NRG1: variants seen among roughly 807,000 people sequenced by gnomAD.
NRG1 encodes neuregulin 1, also known as pro-neuregulin-1, membrane-bound isoform.
A neutral mutation model predicts 63.8 loss-of-function variants in NRG1; 18 were observed. That is an observed-to-expected ratio of 0.28 (90% CI 0.19 to 0.42). The LOEUF (loss-of-function observed/expected upper bound fraction) is 0.42, where lower values mean the gene tolerates loss of function less well. NRG1 is among the 10% of genes least tolerant of loss of function. NRG1 has a pLI of 1.00. For synonymous variants in NRG1, 302 were observed against 301.3 expected (o/e 1.00, Z -0.02); for missense variants, 762 against 814.7 (o/e 0.94, Z 0.79).
rs1361292992 is a variant in NRG1, at chr8:31,640,250, C to T, written c.37+819C>T. The T allele has an allele frequency of 2.6e-6, 3 of 1,145,734 alleles. No individual in the cohort carries two copies. Among genetic ancestry groups the T allele is most frequent in the Non-Finnish European group, 3.2e-6 (3 of 932,956 alleles). 71.0% of individuals were successfully genotyped at this position (1,145,734 alleles called of 1,614,324 possible). ...GTGGTGATCGAGGGAAAGGTGCACC[C>T]GCAGCGGCGGCAGCAGGGGGCACTC... On this transcript the variant is annotated intron_variant, in intron 1 of 10. Transcript: ENST00000519301. The surrounding 1 kb of genome is among the most constrained non-coding windows in gnomAD (Gnocchi z 6.3).
chr8:32,139,974 A>G (rs1020648744), intron 1 of NRG1, among the ~76,000 whole-genome samples: 1 of 152,134 alleles, frequency 6.6e-6, no homozygotes, highest in African/African-American at 2.4e-5. Flanking sequence ...AGACTTGAGG[A>G]TTCAGGAGCT....
intron 1 of NRG1, among the ~76,000 whole-genome samples, chr8:32,255,800 T>C (rs1252379368): frequency 6.6e-6 from 1 of 152,186 alleles, no homozygotes; most frequent in African/African-American, 2.4e-5. Flanking sequence ...TCCTGAAGAG[T>C]GTTTTCCAAC....
chr8:32,227,851 G>A, intron 1 of NRG1, among the ~76,000 whole-genome samples: 1 of 152,178 alleles, frequency 6.6e-6, no homozygotes, highest in East Asian at 1.9e-4. Flanking sequence ...ATGAGTGGCA[G>A]TGAACCAGAA....
At chr8:31,870,644 C>T (rs1390725480) in intron 1 of NRG1, among the ~76,000 whole-genome samples, 1 of 152,048 alleles carries the variant, frequency 6.6e-6, no homozygotes, top group Admixed American at 6.6e-5. Context: ...ATAGTTTTGG[C>T]CAAATTGTTG....
At chr8:32,382,823 C>A (rs1810516330) in intron 1 of NRG1, among the ~76,000 whole-genome samples, 1 of 151,998 alleles carries the variant, frequency 6.6e-6, no homozygotes, top group Non-Finnish European at 1.5e-5. Flanking sequence ...CTGGTCCAGG[C>A]CCTGGAAATT....
intron 1 of NRG1, among the ~76,000 whole-genome samples, chr8:32,518,060 A>C (rs34413759): frequency 6.6e-6 from 1 of 152,054 alleles, no homozygotes; most frequent in Admixed American, 6.6e-5. Context: ...AAAAAATAGA[A>C]CCACCACCAA....
intron 1 of NRG1, among the ~76,000 whole-genome samples, chr8:31,852,088 T>C (rs1827295306): frequency 6.6e-6 from 1 of 151,728 alleles, no homozygotes; most frequent in African/African-American, 2.4e-5. Flanking sequence ...TGTGTCTTTA[T>C]AGCAGCATGA....
chr8:32,423,838 A>G (rs574020088), intron 1 of NRG1, among the ~76,000 whole-genome samples: 4 of 152,140 alleles, frequency 2.6e-5, no homozygotes, highest in Non-Finnish European at 5.9e-5. Flanking sequence ...TTTCAAGATT[A>G]TCTACTCTAA....
intron 1 of NRG1, among the ~76,000 whole-genome samples, chr8:32,592,995 TAAAG>T (rs1395403415): frequency 6.6e-6 from 1 of 152,126 alleles, no homozygotes; most frequent in African/African-American, 2.4e-5. Context: ...TACAGTAACA[TAAAG>T]AAAATATTAC....
chr8:31,654,139 A>G (rs536592714), intron 1 of NRG1, among the ~76,000 whole-genome samples: 7 of 152,224 alleles, frequency 4.6e-5, no homozygotes, highest in Non-Finnish European at 1.0e-4. Flanking sequence ...AATAACTGTC[A>G]TTATGGACTC....
Position 31,845,142 on chromosome 8 carries a change from T to TAAATAAAA in NRG1, c.37+205714_37+205715insTAAAAAAA, listed in dbSNP as rs1554550182. 6.6e-5 allele frequency among the ~76,000 whole-genome samples: 10 copies of TAAATAAAA among 151,630 alleles called. No individual in the cohort carries two copies. The East Asian group carries it at 1.2e-3, about 18-fold the overall frequency. On this transcript the variant is annotated intron_variant, in intron 1 of 10. Transcript: ENST00000519301. ...ATAAATAAATAAATAAATAAATAAA[T>TAAATAAAA]AAAACAGCAAAGCTTCTATGAATTC... is the stretch of plus-strand genomic sequence containing the variant.
intron 1 of NRG1, among the ~76,000 whole-genome samples, chr8:32,086,892 A>C (rs1034477578): frequency 6.6e-6 from 1 of 152,206 alleles, no homozygotes; most frequent in African/African-American, 2.4e-5. Context: ...TATAGTAAGA[A>C]CATTTAAGAT....
chr8:31,936,750 A>T (rs1323215201), intron 1 of NRG1, among the ~76,000 whole-genome samples: 1 of 152,216 alleles, frequency 6.6e-6, no homozygotes, highest in Admixed American at 6.5e-5. Context: ...ACAGAGTACA[A>T]CAAGATACTC....
At chr8:31,956,328 C>G (rs1804401140) in intron 1 of NRG1, among the ~76,000 whole-genome samples, 1 of 151,990 alleles carries the variant, frequency 6.6e-6, no homozygotes, top group Admixed American at 6.5e-5. Context: ...GAGAAGCTAA[C>G]TTTCATTAAG....
chr8:32,041,704 C>T (rs1164524143), intron 1 of NRG1, among the ~76,000 whole-genome samples: 1 of 152,104 alleles, frequency 6.6e-6, no homozygotes, highest in Non-Finnish European at 1.5e-5. Flanking sequence ...TTCTTGGCCT[C>T]CAACATGGGT....
At chr8:32,527,701 A>G (rs1831009833) in intron 1 of NRG1, among the ~76,000 whole-genome samples, 1 of 152,216 alleles carries the variant, frequency 6.6e-6, no homozygotes, top group Non-Finnish European at 1.5e-5. Flanking sequence ...AACTTAATGC[A>G]GAACTCTTGA....
chr8:32,685,261 C>T (rs1343236596), intron 5 of NRG1, among the ~76,000 whole-genome samples: 2 of 152,164 alleles, frequency 1.3e-5, no homozygotes, highest in Non-Finnish European at 2.9e-5. Context: ...ATTCATATCT[C>T]AGCTCTGCCA....
chr8:32,182,637 TTCTC>T (rs746924448), intron 1 of NRG1, among the ~76,000 whole-genome samples: 2 of 152,176 alleles, frequency 1.3e-5, no homozygotes, highest in Non-Finnish European at 2.9e-5. Context: ...GTCTCTCTCT[TTCTC>T]TCACCTTCCA....
At chr8:32,485,510 C>G (rs1359609395) in intron 1 of NRG1, among the ~76,000 whole-genome samples, 1 of 152,208 alleles carries the variant, frequency 6.6e-6, no homozygotes, top group Non-Finnish European at 1.5e-5. Context: ...TTCTCCACCC[C>G]ACGAACTCCT....
Sources: gnomAD v4.1 joint callset for allele counts (sites outside exome capture counted in the v4.1 genomes callset) on GRCh38, gnomAD v4.1.1 for gene constraint, Gnocchi (gnomAD v3.1) non-coding constraint, MANE v1.5 for transcripts, NCBI Gene and HGNC (gene_info 2026-07-23, HGNC 2026-07-21) for gene names.